FIS1: variants seen among roughly 807,000 people sequenced by gnomAD.
FIS1 encodes the protein mitochondrial fission 1 protein.
In FIS1, 16 loss-of-function variants were observed where a neutral mutation model predicts 21.6. The observed-to-expected ratio is 0.74, with a 90% confidence interval of 0.50 to 1.12. The LOEUF (loss-of-function observed/expected upper bound fraction) is 1.12, where lower values mean the gene tolerates loss of function less well. Ranked by LOEUF, FIS1 falls within the 50% of genes most tolerant of loss-of-function variation. The probability of loss-of-function intolerance (pLI) is 0.00; values close to 1 mark genes in which losing one functional copy is unlikely to be tolerated. For synonymous variants in FIS1, 92 were observed against 82.2 expected, an observed-to-expected ratio of 1.12 and a Z score of -0.65; for missense variants, 198 against 190.9, an observed-to-expected ratio of 1.04 and a Z score of -0.22.
At chr7:101,240,718 C>T (rs897494356) in intron 3 of FIS1, 112 bp downstream of exon 3, 186 of 1,000,224 alleles carry the variant, frequency 1.9e-4, no homozygotes, top group Non-Finnish European at 2.6e-4. Flanking sequence ...CACCGCTCTG[C>T]ACCTCTGCAC....
rs765609194 is a variant in FIS1 at position 101,240,287 on chromosome 7, GTGTT to G, written c.256-44_256-41del. 1,181 of 1,589,890 alleles carry G rather than the reference GTGTT, an allele frequency of 7.4e-4. 4 individuals are homozygous for G. Among genetic ancestry groups the G allele is most frequent in the Non-Finnish European group, 8.9e-4 (1,026 of 1,158,178 alleles). On this transcript the variant is annotated intron_variant, in intron 3 of 4. Transcript: ENST00000223136. ...ACGCGCACGCGTCATACACACCGCA[GTGTT>G]TTTTTGTTTGTTTGTTTTTTAATAA...
At chr7:101,244,561 T>C (rs1414250766) in intron 1 of FIS1, 2 of 350,844 alleles carry the variant, frequency 5.7e-6, no homozygotes, top group African/African-American at 4.2e-5. Context: ...GCCTACCTCC[T>C]AGAGCTACAA....
intron 1 of FIS1, chr7:101,244,695 A>T (rs1798790992): frequency 7.2e-6 from 4 of 555,830 alleles, no homozygotes; most frequent in Non-Finnish European, 9.7e-6. Flanking sequence ...CTCCTGCATG[A>T]TCCCAGATCC....
intron 1 of FIS1, among the ~76,000 whole-genome samples, 164 bp from the exon 2 acceptor site, chr7:101,244,303 C>CCGGGCCTG (rs1308896221): frequency 3.3e-5 from 5 of 152,232 alleles, no homozygotes; most frequent in Non-Finnish European, 7.3e-5. Flanking sequence ...TTCGGCTCCT[C>CCGGGCCTG]CGGGCCTGCG....
chr7:101,244,061 G>C lies in FIS1; in HGVS notation c.124C>G (p.Leu42Val). The C allele has an allele frequency of 6.2e-7, 1 of 1,613,990 alleles. No individual in the cohort carries two copies. Among genetic ancestry groups the C allele is most frequent in the Non-Finnish European group, 8.5e-7 (1 of 1,179,952 alleles). Residue 42 changes from leucine to valine, a missense_variant, in exon 2 of 5, where the codon CTG (leucine) becomes GTG (valine). Transcript: ENST00000223136. Reference protein sequence around the residue: ...KSTQFEYAWCLVRSKYNDDIR... With the variant: ...KSTQFEYAWCVVRSKYNDDIR... Reference sequence around the variant, plus strand: ...TCATCATTGTACTTGCTCCGCACCAGGCACCAGGCGTACTCAAACTGCGTG... The same window carrying C: ...TCATCATTGTACTTGCTCCGCACCACGCACCAGGCGTACTCAAACTGCGTG...
chr7:101,245,058 G>A lies in FIS1; in HGVS notation c.-54C>T. ...CAGTCTACTGTGCCACAGTCTCCATGGCCCAGTGGCAGGGGCGGAGAACCA... is the reference window on the plus strand; with the variant it reads ...CAGTCTACTGTGCCACAGTCTCCATAGCCCAGTGGCAGGGGCGGAGAACCA... On this transcript the variant is annotated 5_prime_UTR_variant, in exon 1 of 5. Transcript: ENST00000223136. The A allele has an allele frequency of 6.3e-7, 1 of 1,579,514 alleles. No homozygotes were observed.
At chr7:101,240,696 GTCC>G in intron 3 of FIS1, 131 bp downstream of exon 3, 2 of 814,964 alleles carry the variant, frequency 2.5e-6, no homozygotes, top group South Asian at 3.1e-5. Context: ...TTCCCTCGGA[GTCC>G]TCATCTGACA....
In FIS1 at chr7:101,240,331, C is replaced by T. The variant is rs946465805; in HGVS notation, c.256-84G>A. The T allele has an allele frequency of 4.3e-6, 6 of 1,395,942 alleles. No homozygotes were observed. The Admixed American group carries it at 5.2e-5, about 12-fold the overall frequency. The allele number at this position is 1,395,942 out of a possible 1,614,324, so 86.5% of individuals were successfully genotyped here. A position where few individuals can be genotyped will look rare whatever the true frequency, so the allele number is the denominator to read the frequency against. On this transcript the variant is annotated intron_variant, in intron 3 of 4. Transcript: ENST00000223136. ...TTTTTTAATAAGAGACGGGGTCTTGCTCTGTTGCCCACGCTGGACGGCAGC... is the reference window on the plus strand; with the variant it reads ...TTTTTTAATAAGAGACGGGGTCTTGTTCTGTTGCCCACGCTGGACGGCAGC...
chr7:101,242,193 T>G (rs1474001113), intron 2 of FIS1, among the ~76,000 whole-genome samples: 1 of 152,180 alleles, frequency 6.6e-6, no homozygotes, highest in African/African-American at 2.4e-5. Context: ...CCCAAAGTGC[T>G]GAGATTACAG....
chr7:101,240,453 T>A (rs1414132337), intron 3 of FIS1, among the ~76,000 whole-genome samples: 1 of 152,114 alleles, frequency 6.6e-6, no homozygotes, highest in African/African-American at 2.4e-5. Context: ...CGTGAGCCAC[T>A]GGGCCGGCTA....
chr7:101,242,842 CAT>C (rs1466553287), intron 2 of FIS1, among the ~76,000 whole-genome samples: 1 of 150,710 alleles, frequency 6.6e-6, no homozygotes, highest in African/African-American at 2.4e-5. Context: ...ATTCTGTATT[CAT>C]AGATTCAACG....
chr7:101,241,987 C>G (rs951898485), intron 2 of FIS1, among the ~76,000 whole-genome samples: 2 of 152,100 alleles, frequency 1.3e-5, no homozygotes, highest in Non-Finnish European at 2.9e-5. Flanking sequence ...TCACTCCAGT[C>G]TGGAGCACAG....
chr7:101,240,033 C>T, intron 4 of FIS1, 109 bp downstream of exon 4: 1 of 1,435,676 alleles, frequency 7.0e-7, no homozygotes, highest in Admixed American at 1.8e-5. Flanking sequence ...GCTCTAAGAA[C>T]TGGAAGGGGT....
Position 101,240,889 on chromosome 7 carries a change from T to C in FIS1, c.196A>G (p.Ser66Gly). The change falls in exon 3 of 5, where the codon AGC (serine) becomes GGC (glycine). Residue 66 changes from serine to glycine, a missense_variant. By Grantham distance (56) the Ser-to-Gly change is moderately conservative. Coordinates refer to ENST00000223136, the MANE Select transcript of FIS1 (RefSeq NM_016068.3). ...ACGTAATCCCGCTGTTCCTCCTTGC[T>C]CCCTTTGGGCAGCAGCTCTGGGGAG... Reference protein sequence around the residue: ...VLLEELLPKGSKEEQRDYVFY... With the variant: ...VLLEELLPKGGKEEQRDYVFY... 1 of 1,614,090 alleles carries C rather than the reference T, an allele frequency of 6.2e-7. No individual in the cohort carries two copies. Among genetic ancestry groups the C allele is most frequent in the African/African-American group, 1.3e-5 (1 of 75,018 alleles).
chr7:101,239,622 A>G lies in FIS1; in HGVS notation c.*184T>C. On this transcript the variant is annotated 3_prime_UTR_variant, in exon 5 of 5. Transcript: ENST00000223136. ...ACGCAGACACGGGGGTTCCCAAGCC[A>G]CAGCCCCGTTTTATTTACACTCATC... 1.5e-6 allele frequency: 1 copy of G among 653,182 alleles called. No individual in the cohort carries two copies. The highest frequency in any genetic ancestry group is 1.6e-5 in the South Asian group (1 of 60,912). The allele number at this position is 653,182 out of a possible 1,614,324, so 40.5% of individuals were successfully genotyped here.
intron 2 of FIS1, chr7:101,241,688 C>T (rs1394559967): frequency 2.2e-5 from 3 of 139,200 alleles, no homozygotes; most frequent in Non-Finnish European, 4.6e-5. Flanking sequence ...GGCCGTGAGC[C>T]GTAGCTCATG....
At chr7:101,242,366 G>A (rs1258621510) in intron 2 of FIS1, among the ~76,000 whole-genome samples, 3 of 152,186 alleles carry the variant, frequency 2.0e-5, no homozygotes, top group Non-Finnish European at 2.9e-5. Flanking sequence ...AACACTTAGA[G>A]AGGCTGTTTC....
chr7:101,240,391 C>T (rs1798727987), intron 3 of FIS1, 144 bp from the exon 4 acceptor site: 7 of 740,762 alleles, frequency 9.4e-6, no homozygotes, highest in Non-Finnish European at 1.5e-5. Flanking sequence ...CTCAAACTCC[C>T]AGGCTCAAGC....
chr7:101,239,729 CA>C lies in FIS1; in HGVS notation c.*76del. On this transcript the variant is annotated 3_prime_UTR_variant, in exon 5 of 5. Coordinates refer to ENST00000223136, the MANE Select transcript of FIS1 (RefSeq NM_016068.3). The stretch of plus-strand genomic sequence containing the variant: ...GGCCACAGAGGATAGAGACGGGGGG[CA>C]GGGGGAGAACAGGGAAAGGACAGCG... The C allele has an allele frequency of 8.2e-7, 1 of 1,223,778 alleles. No homozygotes were observed. Among genetic ancestry groups the C allele is most frequent in the South Asian group, 1.3e-5 (1 of 77,660 alleles). 75.8% of individuals were successfully genotyped at this position (1,223,778 alleles called of 1,614,324 possible).
Sources: gnomAD v4.1 joint callset for allele counts (sites outside exome capture counted in the v4.1 genomes callset) on GRCh38, gnomAD v4.1.1 for gene constraint, MANE v1.5 for transcripts, NCBI Gene and HGNC (gene_info 2026-07-23, HGNC 2026-07-21) for gene names.